The following LAMB3 variants were observed in gnomAD, a reference collection of about 807,000 sequenced individuals.
LAMB3 encodes the protein laminin subunit beta 3, also known as laminin subunit beta-3.
Under a neutral mutation model 140.3 loss-of-function variants are expected in LAMB3, and 104 were observed. The observed-to-expected ratio is 0.74, with a 90% confidence interval of 0.63 to 0.87. LAMB3 has a LOEUF of 0.87. Among genes scored for constraint, LAMB3 ranks in the 40% least tolerant of loss-of-function variants. LAMB3 has a pLI of 0.00. For synonymous variants in LAMB3, 592 were observed against 602.9 expected (o/e 0.98, Z 0.26); for missense variants, 1,531 against 1,575.2 (o/e 0.97, Z 0.47).
intron 5 of LAMB3, among the ~76,000 whole-genome samples, 191 bp downstream of exon 5, chr1:209,637,717 A>G (rs1369128424): frequency 6.6e-6 from 1 of 152,232 alleles, no homozygotes; most frequent in Non-Finnish European, 1.5e-5. Context: ...CAACCACTGC[A>G]CGGCCAAGAC....
Position 209,632,719 on chromosome 1 carries a change from T to G in LAMB3, c.686A>C (p.Gln229Pro). The part of the protein sequence containing the change: ...VNFTRLAPVP[Q>P]RGYHPPSAYY... ...GGCGCTGGGAGGGTGGTAGCCCCTT[T>G]GGGGCACAGGGGCCAGCCTGGTGAA... Residue 229 changes from glutamine to proline, a missense_variant, in exon 8 of 23, where the codon CAA (glutamine) becomes CCA (proline). Transcript: ENST00000356082. The G allele has an allele frequency of 6.2e-7, 1 of 1,614,204 alleles. No individual in the cohort carries two copies. The highest frequency in any genetic ancestry group is 2.2e-5 in the East Asian group (1 of 44,870).
At chr1:209,617,786 C>T (rs1666027551) in intron 20 of LAMB3, 121 bp downstream of exon 20, 2 of 1,392,772 alleles carry the variant, frequency 1.4e-6, no homozygotes, top group Admixed American at 1.7e-5. Flanking sequence ...CAAAGCTTGT[C>T]ACTCTCCTCT....
intron 7 of LAMB3, 143 bp downstream of exon 7, chr1:209,632,927 C>G (rs1666747448): frequency 3.9e-6 from 4 of 1,033,272 alleles, no homozygotes. Flanking sequence ...GACAATATCC[C>G]TATGGGGCAA....
intron 2 of LAMB3, 80 bp from the exon 3 acceptor site, chr1:209,650,198 C>T (rs1166718454): frequency 1.4e-6 from 2 of 1,399,400 alleles, no homozygotes; most frequent in Non-Finnish European, 2.0e-6. Context: ...TTCAGGGAAG[C>T]TGACATTAGC....
intron 13 of LAMB3, 129 bp from the exon 14 acceptor site, chr1:209,626,155 C>T: frequency 9.6e-7 from 1 of 1,042,172 alleles, no homozygotes. Flanking sequence ...GAAGTCGCAG[C>T]CAGAATAAAA....
intron 8 of LAMB3, 27 bp from the exon 9 acceptor site, chr1:209,630,762 G>A (rs776841755): frequency 3.7e-6 from 6 of 1,612,398 alleles, no homozygotes; most frequent in Middle Eastern, 1.9e-4. Flanking sequence ...CAGCCATCAG[G>A]AGTAATCAAC....
At chr1:209,625,522 G>C in intron 14 of LAMB3, 126 bp downstream of exon 14, 2 of 1,230,190 alleles carry the variant, frequency 1.6e-6, no homozygotes, top group East Asian at 2.3e-5. Context: ...GGTTGAAAGA[G>C]AGAGCACTGT....
chr1:209,650,850 C>A, intron 2 of LAMB3, 67 bp downstream of exon 2: 1 of 1,502,826 alleles, frequency 6.7e-7, no homozygotes, highest in Non-Finnish European at 9.3e-7. Flanking sequence ...GTAAACTCTC[C>A]TTCTCCCTGT....
intron 8 of LAMB3, 141 bp from the exon 9 acceptor site, chr1:209,630,876 T>C (rs1156996056): frequency 4.4e-6 from 4 of 919,206 alleles, no homozygotes; most frequent in Non-Finnish European, 6.8e-6. Context: ...TTCCTCTGAA[T>C]GCCGCAGACT....
chr1:209,651,374 G>C, intron 1 of LAMB3: 1 of 227,558 alleles, frequency 4.4e-6, no homozygotes, highest in Non-Finnish European at 9.0e-6. Flanking sequence ...CCCCAAGAGA[G>C]AGGGCTGGCT....
At chr1:209,627,722 C>A in intron 11 of LAMB3, 143 bp from the exon 12 acceptor site, 2 of 833,682 alleles carry the variant, frequency 2.4e-6, no homozygotes, top group South Asian at 3.1e-5. Flanking sequence ...ACTCACAGGA[C>A]CCCTGCGCTG....
At chr1:209,637,867 G>A (rs745504817) in intron 5 of LAMB3, 41 bp downstream of exon 5, 61 of 1,541,388 alleles carry the variant, frequency 4.0e-5, no homozygotes, top group Non-Finnish European at 5.4e-5. Flanking sequence ...ACATGGCCCA[G>A]GAGCCCCTCT....
chr1:209,624,929 AGG>A (rs1399846640), intron 14 of LAMB3, among the ~76,000 whole-genome samples: 2 of 150,414 alleles, frequency 1.3e-5, no homozygotes, highest in African/African-American at 4.9e-5. Context: ...GAAGGAAGGA[AGG>A]AAGGAAAAAA....
Position 209,627,390 on chromosome 1 carries a change from C to G in LAMB3, c.1478G>C (p.Cys493Ser). The G allele has an allele frequency of 6.8e-6, 11 of 1,612,964 alleles. No homozygotes were observed. Among genetic ancestry groups the G allele is most frequent in the Non-Finnish European group, 9.3e-6 (11 of 1,179,392 alleles). Reference sequence around the variant, plus strand: ...ACCACCCTCACTTCGTACCTGGTTGCACTGTGGGCTGAGGGAGTTGTGCGG... The same window carrying G: ...ACCACCCTCACTTCGTACCTGGTTGGACTGTGGGCTGAGGGAGTTGTGCGG... ...CDPHNSLSPQCNQFTGQCPCR... is the reference protein window; with the variant it reads ...CDPHNSLSPQSNQFTGQCPCR... Residue 493 changes from cysteine (C) to serine (S), a missense_variant, in exon 12 of 23, where the codon TGC becomes TCC. Transcript: ENST00000356082.
chr1:209,629,412 T>G (rs1160022441), intron 10 of LAMB3, among the ~76,000 whole-genome samples: 1 of 152,186 alleles, frequency 6.6e-6, no homozygotes, highest in Non-Finnish European at 1.5e-5. Flanking sequence ...TCATCCCTCT[T>G]CTGCAGGTGT....
chr1:209,650,973 G>A lies in LAMB3; in HGVS notation c.-29C>T. ...CAGCCAATGGGGTGATCCCCAGAAA[G>A]GACCTTTCCTAGGACACAGCAAAGC... On this transcript the variant is annotated 5_prime_UTR_variant, in exon 2 of 23. Coordinates refer to ENST00000356082, the MANE Select transcript of LAMB3 (RefSeq NM_000228.3). 1 of 1,613,596 alleles carries A rather than the reference G, an allele frequency of 6.2e-7. No individual in the cohort carries two copies.
In LAMB3 at chr1:209,617,928, A is replaced by G. The variant is rs765632243; in HGVS notation, c.3030T>C (p.Leu1010=). 6.2e-7 allele frequency: 1 copy of G among 1,614,176 alleles called. No individual in the cohort carries two copies. The highest frequency in any genetic ancestry group is 1.3e-5 in the African/African-American group (1 of 75,038). The change falls in exon 20 of 23, where the codon CTT becomes CTC. Residue 1010 remains leucine, a synonymous_variant. Coordinates refer to ENST00000356082, the MANE Select transcript of LAMB3 (RefSeq NM_000228.3). ...TCACCTCAGCAACCCTGTCCTGGAT[A>G]AGCCGAAGGGAGCGGCTGGTGCCTT... ...TMQGTSRSLR[L]IQDRVAEVQQ...
intron 12 of LAMB3, 51 bp downstream of exon 12, chr1:209,627,332 T>A: frequency 6.7e-7 from 1 of 1,487,814 alleles, no homozygotes. Context: ...AGGCTGGTGC[T>A]CAGGACCCCC....
At chr1:209,640,634 A>AT (rs1274434102) in intron 3 of LAMB3, among the ~76,000 whole-genome samples, 1 of 151,734 alleles carries the variant, frequency 6.6e-6, no homozygotes, top group Non-Finnish European at 1.5e-5. Context: ...GCCCTGTTAT[A>AT]TTTTTTTCAT....
Sources: allele counts gnomAD v4.1 joint callset (sites outside exome capture counted in the v4.1 genomes callset), GRCh38; gene constraint gnomAD v4.1.1; transcripts MANE v1.5; gene names NCBI Gene and HGNC (gene_info 2026-07-23, HGNC 2026-07-21).